Variants in ANKS1B observed in about 807,000 individuals in gnomAD.
ANKS1B encodes the protein ankyrin repeat and sterile alpha motif domain-containing protein 1B.
A neutral mutation model predicts 148.3 loss-of-function variants in ANKS1B; 36 were observed. The ratio of observed to expected loss-of-function variants is 0.24; its 90% CI spans 0.19 to 0.32. The LOEUF (loss-of-function observed/expected upper bound fraction) is 0.32, where lower values mean the gene tolerates loss of function less well. Ranked by LOEUF, ANKS1B falls within the 10% of genes least tolerant of loss-of-function variation. The pLI, the probability that ANKS1B is intolerant of heterozygous loss-of-function variation, is 1.00. For missense variants in ANKS1B, 1,157 were observed against 1,542.6 expected (o/e 0.75, Z 4.19); for synonymous variants, 542 against 560.8 (o/e 0.97, Z 0.47).
At chr12:99,618,694 T>G (rs867567576) in intron 9 of ANKS1B, among the ~76,000 whole-genome samples, 18 of 151,954 alleles carry the variant, frequency 1.2e-4, no homozygotes, top group African/African-American at 4.4e-4. Context: ...TGGAAATAAC[T>G]TGGGAAGGGG....
chr12:99,801,837 C>T (rs2066993850), intron 4 of ANKS1B, among the ~76,000 whole-genome samples: 1 of 152,096 alleles, frequency 6.6e-6, no homozygotes, highest in Non-Finnish European at 1.5e-5. Flanking sequence ...GCCTTAGATA[C>T]AAACCTAAAA....
chr12:99,398,413 T>C (rs887071396), intron 12 of ANKS1B, among the ~76,000 whole-genome samples: 12 of 152,144 alleles, frequency 7.9e-5, no homozygotes, highest in African/African-American at 2.7e-4. Flanking sequence ...AATACTCACA[T>C]AGACCACACT....
At chr12:99,785,982 C>T (rs950010082) in intron 4 of ANKS1B, among the ~76,000 whole-genome samples, 9 of 152,084 alleles carry the variant, frequency 5.9e-5, no homozygotes, top group Non-Finnish European at 1.3e-4. Context: ...GAAACTGATT[C>T]GGCTCTTAAG....
chr12:99,238,514 A>C (rs2088525492), intron 14 of ANKS1B, among the ~76,000 whole-genome samples: 1 of 152,202 alleles, frequency 6.6e-6, no homozygotes, highest in Non-Finnish European at 1.5e-5. Flanking sequence ...CAGTTTCTGC[A>C]GATTTAAATG....
chr12:99,747,107 A>G (rs1206201575), intron 8 of ANKS1B, among the ~76,000 whole-genome samples: 1 of 151,996 alleles, frequency 6.6e-6, no homozygotes, highest in Admixed American at 6.6e-5. Flanking sequence ...TCCTCCTTCA[A>G]TATATCAAGC....
At chr12:99,536,017 C>T (rs193158418) in intron 9 of ANKS1B, among the ~76,000 whole-genome samples, 2 of 152,280 alleles carry the variant, frequency 1.3e-5, no homozygotes, top group African/African-American at 4.8e-5. Context: ...GGGTTTGGAG[C>T]TCTACAAACT....
chr12:98,882,446 C>G (rs892073768), intron 17 of ANKS1B, among the ~76,000 whole-genome samples: 5 of 152,082 alleles, frequency 3.3e-5, no homozygotes, highest in Non-Finnish European at 7.4e-5. Flanking sequence ...TTATGATCAG[C>G]CAGTTGCAAA....
At position 99,682,175 on chromosome 12, in the gene ANKS1B, C is replaced by T. The variant is rs181211819; in HGVS notation, c.1129-26965G>A. 6.2e-3 allele frequency among the ~76,000 whole-genome samples: 950 copies of T among 152,286 alleles called. 5 individuals are homozygous for T. The highest frequency in any genetic ancestry group is 0.02 in the South Asian group (95 of 4,830). ...ACAATATTAGTGGAGGACTTCAATA[C>T]TCCACTGACAGCACTAGACAGGTCA... is the stretch of plus-strand genomic sequence containing the variant. On this transcript the variant is annotated intron_variant, in intron 8 of 26. Coordinates refer to ENST00000683438, the MANE Select transcript of ANKS1B (RefSeq NM_001352186.2).
chr12:99,442,118 A>C (rs10777990), intron 11 of ANKS1B, among the ~76,000 whole-genome samples: 64,223 of 151,780 alleles, frequency 0.42, 15,611 homozygotes, highest in African/African-American at 0.66. Context: ...TGTCAACGAA[A>C]ATGACAGATA....
At chr12:99,098,633 T>G (rs2057013566) in intron 15 of ANKS1B, among the ~76,000 whole-genome samples, 1 of 118,362 alleles carries the variant, frequency 8.4e-6, no homozygotes, top group African/African-American at 3.6e-5. Context: ...TTTTTTTTTT[T>G]TTTTTTTTTT....
chr12:99,733,199 C>A lies in ANKS1B; in HGVS notation c.1128+39723G>T, dbSNP rs533310251. Reference sequence around the variant, plus strand: ...CCTTGGCCAATGGAATATGAGCATGCAGGATATCTGCAGAATTTTAAATGT... The same window carrying A: ...CCTTGGCCAATGGAATATGAGCATGAAGGATATCTGCAGAATTTTAAATGT... On this transcript the variant is annotated intron_variant, in intron 8 of 26. Transcript: ENST00000683438. Among the ~76,000 whole-genome samples, 5 of 152,270 alleles carry A rather than the reference C, an allele frequency of 3.3e-5. 1 individual carries two copies. Among genetic ancestry groups the A allele is most frequent in the African/African-American group, 9.6e-5 (4 of 41,554 alleles).
intron 12 of ANKS1B, among the ~76,000 whole-genome samples, chr12:99,384,368 T>A (rs916986936): frequency 2.6e-5 from 4 of 152,096 alleles, no homozygotes; most frequent in Non-Finnish European, 5.9e-5. Flanking sequence ...CTATCTACCA[T>A]CAAAATTGTC....
At chr12:98,807,749 T>C in intron 20 of ANKS1B, 95 bp downstream of exon 20, 4 of 979,884 alleles carry the variant, frequency 4.1e-6, no homozygotes, top group Non-Finnish European at 4.5e-6. Context: ...ATTTTCTGCA[T>C]TGCCAGGACA....
chr12:99,718,625 T>C (rs973683565), intron 8 of ANKS1B, among the ~76,000 whole-genome samples: 4 of 152,228 alleles, frequency 2.6e-5, no homozygotes, highest in African/African-American at 9.6e-5. Flanking sequence ...CCTTACAAGT[T>C]AGTTCAGGAT....
At chr12:99,983,447 A>G (rs1348564949) in intron 1 of ANKS1B, among the ~76,000 whole-genome samples, 1 of 152,182 alleles carries the variant, frequency 6.6e-6, no homozygotes, top group African/African-American at 2.4e-5. Flanking sequence ...CATATACAGT[A>G]TCCCAATACC....
intron 14 of ANKS1B, among the ~76,000 whole-genome samples, chr12:99,219,717 T>A (rs1323241239): frequency 6.6e-6 from 1 of 152,190 alleles, no homozygotes; most frequent in Non-Finnish European, 1.5e-5. Flanking sequence ...GCCATTTCAG[T>A]CTCTGAAGTC....
At chr12:99,543,206 A>G (rs1383168039) in intron 9 of ANKS1B, among the ~76,000 whole-genome samples, 1 of 152,130 alleles carries the variant, frequency 6.6e-6, no homozygotes, top group African/African-American at 2.4e-5. Flanking sequence ...CAAATGGCCA[A>G]TAAGCACATA....
intron 9 of ANKS1B, among the ~76,000 whole-genome samples, chr12:99,509,503 C>A (rs996522544): frequency 2.0e-5 from 3 of 151,904 alleles, no homozygotes; most frequent in African/African-American, 7.2e-5. Flanking sequence ...ATCACACCAG[C>A]CACAACATTC....
At chr12:99,963,219 T>G (rs1422146467) in intron 1 of ANKS1B, among the ~76,000 whole-genome samples, 1 of 152,204 alleles carries the variant, frequency 6.6e-6, no homozygotes, top group Non-Finnish European at 1.5e-5. Context: ...TCTTGTAAAT[T>G]TGTTTAAGTT....
Sources: allele counts gnomAD v4.1 joint callset (sites outside exome capture counted in the v4.1 genomes callset), GRCh38; gene constraint gnomAD v4.1.1; transcripts MANE v1.5; gene names NCBI Gene and HGNC (gene_info 2026-07-23, HGNC 2026-07-21).